The following ABCB5 variants were observed in gnomAD, a reference collection of about 807,000 sequenced individuals.
The protein encoded by ABCB5 is ATP binding cassette subfamily B member 5.
In ABCB5, 155 loss-of-function variants were observed where a neutral mutation model predicts 144.2. The ratio of observed to expected loss-of-function variants is 1.08; its 90% CI spans 0.94 to 1.23. The LOEUF (loss-of-function observed/expected upper bound fraction) is 1.23, where lower values mean the gene tolerates loss of function less well. Among genes scored for constraint, ABCB5 ranks in the 50% most tolerant of loss-of-function variants. The pLI, the probability that ABCB5 is intolerant of heterozygous loss-of-function variation, is 0.00. For synonymous variants in ABCB5, 610 were observed against 528.6 expected (o/e 1.15, Z -2.11); for missense variants, 1,830 against 1,520.8 (o/e 1.20, Z -3.38).
At chr7:20,704,911 A>G in intron 20 of ABCB5, 104 bp downstream of exon 20, 1 of 858,818 alleles carries the variant, frequency 1.2e-6, no homozygotes, top group South Asian at 2.0e-5. Flanking sequence ...GAGATGACCC[A>G]CATCATTAAT....
intron 1 of ABCB5, among the ~76,000 whole-genome samples, chr7:20,619,723 T>C (rs894852931): frequency 3.9e-5 from 6 of 152,200 alleles, no homozygotes; most frequent in African/African-American, 1.4e-4. Context: ...TCACAATTGC[T>C]TTGAGGATAG....
At chr7:20,671,525 G>C in intron 14 of ABCB5, among the ~76,000 whole-genome samples, 1 of 152,110 alleles carries the variant, frequency 6.6e-6, no homozygotes, top group Non-Finnish European at 1.5e-5. Context: ...TGCCACTAGA[G>C]ATTAGTTTGT....
At chr7:20,705,947 T>A (rs910859734) in intron 20 of ABCB5, among the ~76,000 whole-genome samples, 1 of 152,166 alleles carries the variant, frequency 6.6e-6, no homozygotes, top group African/African-American at 2.4e-5. Flanking sequence ...GCTAATTTTA[T>A]GATGGAGAAA....
chr7:20,745,495 A>T, intron 26 of ABCB5, 57 bp downstream of exon 26: 4 of 1,516,360 alleles, frequency 2.6e-6, no homozygotes, highest in Non-Finnish European at 3.6e-6. Flanking sequence ...CTAAGTAGCT[A>T]CTGGGCCTAT....
chr7:20,626,406 C>G, intron 2 of ABCB5, 151 bp from the exon 3 acceptor site: 1 of 603,148 alleles, frequency 1.7e-6, no homozygotes, highest in Admixed American at 3.2e-5. Context: ...CCAGTGACAA[C>G]TGTCTATCAT....
intron 26 of ABCB5, among the ~76,000 whole-genome samples, chr7:20,747,936 G>GA (rs1425954291): frequency 2.0e-5 from 3 of 152,180 alleles, no homozygotes; most frequent in African/African-American, 7.2e-5. Flanking sequence ...AGTTGGCTGG[G>GA]AAAAACGAAG....
At chr7:20,706,690 G>C (rs1786835169) in intron 20 of ABCB5, among the ~76,000 whole-genome samples, 1 of 152,098 alleles carries the variant, frequency 6.6e-6, no homozygotes, top group Non-Finnish European at 1.5e-5. Flanking sequence ...TTTTAAAGTT[G>C]CCAAATTTAA....
At chr7:20,754,080 T>C (rs1239575137) in intron 27 of ABCB5, among the ~76,000 whole-genome samples, 2 of 152,222 alleles carry the variant, frequency 1.3e-5, no homozygotes, top group Non-Finnish European at 2.9e-5. Context: ...TAAATGAACA[T>C]TGGTTAAATG....
rs114472246 is a variant in ABCB5, at chr7:20,648,526, G to A, written c.1206+448G>A. Among the ~76,000 whole-genome samples, 681 of 151,782 alleles carry A rather than the reference G, an allele frequency of 4.5e-3. 1 individual carries two copies. Among genetic ancestry groups the A allele is most frequent in the Non-Finnish European group, 7.5e-3 (506 of 67,896 alleles). On this transcript the variant is annotated intron_variant, in intron 11 of 27. Coordinates refer to ENST00000404938, the MANE Select transcript of ABCB5 (RefSeq NM_001163941.2). ...AGTACTTTATCGCCTTTACACACAC[G>A]CACACACACACGCAGTTTATCGTAC... is the stretch of plus-strand genomic sequence containing the variant.
intron 13 of ABCB5, among the ~76,000 whole-genome samples, chr7:20,652,276 T>C (rs1784619982): frequency 6.6e-6 from 1 of 152,082 alleles, no homozygotes; most frequent in South Asian, 2.1e-4. Flanking sequence ...GCATAAGAAA[T>C]GTGAAATCAG....
At chr7:20,618,182 G>T (rs932224869) in intron 1 of ABCB5, among the ~76,000 whole-genome samples, 2 of 152,056 alleles carry the variant, frequency 1.3e-5, no homozygotes, top group African/African-American at 4.8e-5. Context: ...AAGAAACCCT[G>T]TATCCCTCTC....
chr7:20,651,626 G>T lies in ABCB5; in HGVS notation c.1536+3G>T. 6.2e-7 allele frequency: 1 copy of T among 1,613,918 alleles called. No homozygotes were observed. The highest frequency in any genetic ancestry group is 8.5e-7 in the Non-Finnish European group (1 of 1,179,876). On this transcript the variant is annotated splice_donor_region_variant and intron_variant, in intron 13 of 27. Coordinates refer to ENST00000404938, the MANE Select transcript of ABCB5 (RefSeq NM_001163941.2). ...ATTTTATCATGGAGTTTCCTAATGTGAGTACACTGTGCAGCCTGTGTCCTT... is the reference window on the plus strand; with the variant it reads ...ATTTTATCATGGAGTTTCCTAATGTTAGTACACTGTGCAGCCTGTGTCCTT...
intron 5 of ABCB5, among the ~76,000 whole-genome samples, chr7:20,633,646 G>A (rs904332096): frequency 4.6e-5 from 7 of 152,006 alleles, no homozygotes; most frequent in African/African-American, 1.4e-4. Flanking sequence ...CTAGCTATTT[G>A]AAATCATGTA....
chr7:20,700,144 T>C lies in ABCB5; in HGVS notation c.2337+9T>C, dbSNP rs755813441. ...AAGCCATGTTATATCAGGTCAGTGATAAGTTGATTTTTTTTTTATTTTATT... is the reference window on the plus strand; with the variant it reads ...AAGCCATGTTATATCAGGTCAGTGACAAGTTGATTTTTTTTTTATTTTATT... On this transcript the variant is annotated intron_variant, in intron 19 of 27. Coordinates refer to ENST00000404938, the MANE Select transcript of ABCB5 (RefSeq NM_001163941.2). The C allele has an allele frequency of 6.6e-7, 1 of 1,515,012 alleles. No individual in the cohort carries two copies. The highest frequency in any genetic ancestry group is 1.8e-5 in the African/African-American group (1 of 55,190). 93.8% of individuals were successfully genotyped at this position (1,515,012 alleles called of 1,614,324 possible). A position where few individuals can be genotyped will look rare whatever the true frequency, so the allele number is the denominator to read the frequency against.
intron 27 of ABCB5, 57 bp downstream of exon 27, chr7:20,753,563 A>G (rs1782997480): frequency 1.3e-6 from 2 of 1,548,268 alleles, no homozygotes; most frequent in Non-Finnish European, 8.7e-7. Flanking sequence ...ATCCAATAAC[A>G]TGGAGGAAAC....
rs1787074287 is a variant in ABCB5 at position 20,711,857 on chromosome 7, C to T, written c.2421+7050C>T. Among the ~76,000 whole-genome samples the T allele has an allele frequency of 5.7e-5, 4 of 70,466 alleles. 1 individual carries two copies. The South Asian group carries it at 2.3e-3, about 41-fold the overall frequency. The allele number at this position is 70,466 out of a possible 152,430, so 46.2% of individuals were successfully genotyped here. ...CTTTCTTTCTTTCTTTTCTTTCTTT[C>T]TTTCCTTCCTCCCTCCCTCCCTCCC... On this transcript the variant is annotated intron_variant, in intron 20 of 27. Coordinates refer to ENST00000404938, the MANE Select transcript of ABCB5 (RefSeq NM_001163941.2).
At chr7:20,694,564 A>C (rs1052122470) in intron 16 of ABCB5, among the ~76,000 whole-genome samples, 1 of 152,086 alleles carries the variant, frequency 6.6e-6, no homozygotes, top group Admixed American at 6.6e-5. Context: ...CACTACATCT[A>C]TTGAACATTG....
intron 13 of ABCB5, among the ~76,000 whole-genome samples, chr7:20,656,709 A>C (rs1234915368): frequency 6.6e-6 from 1 of 152,138 alleles, no homozygotes; most frequent in Non-Finnish European, 1.5e-5. Flanking sequence ...AGTTTATTAT[A>C]ATGTTAAACA....
rs781164033 is a variant in ABCB5 at position 20,651,417 on chromosome 7, C to T, written c.1333-3C>T. On this transcript the variant is annotated splice_polypyrimidine_tract_variant and splice_region_variant and intron_variant, in intron 12 of 27. Coordinates refer to ENST00000404938, the MANE Select transcript of ABCB5 (RefSeq NM_001163941.2). ...CAACATGGTTCATTCTTTGGATTGG[C>T]AGATCATGGTGGATGAGAATGACAT... is the stretch of plus-strand genomic sequence containing the variant. 7.4e-6 allele frequency: 12 copies of T among 1,613,850 alleles called. No homozygotes were observed. In the South Asian group the frequency reaches 1.3e-4, roughly 18 times the overall value.
Sources: allele counts gnomAD v4.1 joint callset (sites outside exome capture counted in the v4.1 genomes callset), GRCh38; gene constraint gnomAD v4.1.1; transcripts MANE v1.5; gene names NCBI Gene and HGNC (gene_info 2026-07-23, HGNC 2026-07-21).